The following FHOD3 variants were observed in gnomAD, a reference collection of about 807,000 sequenced individuals.
FHOD3 encodes FH1/FH2 domain-containing protein 3.
A neutral mutation model predicts 173.0 loss-of-function variants in FHOD3; 90 were observed. The ratio of observed to expected loss-of-function variants is 0.52; its 90% CI spans 0.44 to 0.62. The LOEUF is 0.62. FHOD3 is among the 20% of genes least tolerant of loss of function. The pLI, the probability that FHOD3 is intolerant of heterozygous loss-of-function variation, is 0.00. For synonymous variants in FHOD3, 828 were observed against 823.0 expected (o/e 1.01, Z -0.10); for missense variants, 1,945 against 2,034.7 (o/e 0.96, Z 0.85).
chr18:36,320,008 G>A (rs2144910918), intron 1 of FHOD3, among the ~76,000 whole-genome samples: 1 of 152,304 alleles, frequency 6.6e-6, no homozygotes, highest in East Asian at 1.9e-4. Flanking sequence ...GAAATTTATA[G>A]CACTAAATGC....
chr18:36,762,871 T>C (rs1261025621), intron 27 of FHOD3, among the ~76,000 whole-genome samples: 2 of 148,076 alleles, frequency 1.4e-5, no homozygotes, highest in African/African-American at 4.9e-5. Flanking sequence ...ATACATAATA[T>C]ATAATATGTT....
chr18:36,718,424 C>T lies in FHOD3; in HGVS notation c.3126C>T (p.Asp1042=). The T allele has an allele frequency of 7.5e-7, 1 of 1,332,072 alleles. No individual in the cohort carries two copies. The highest frequency in any genetic ancestry group is 1.0e-6 in the Non-Finnish European group (1 of 1,001,234). 82.5% of individuals were successfully genotyped at this position (1,332,072 alleles called of 1,614,324 possible). ...LPPPPPPPLL[D]SIPPPPVPGN... ...CCCCACCCCCTCCGCCCCTGTTGGA[C>T]AGCATTCCTCCCCCTCCTGTCCCTG... Residue 1042 remains aspartate (D), a synonymous_variant, in exon 19 of 29, where the codon GAC becomes GAT. Transcript: ENST00000590592.
intron 6 of FHOD3, among the ~76,000 whole-genome samples, chr18:36,582,461 G>A (rs1207125637): frequency 6.6e-6 from 1 of 152,204 alleles, no homozygotes; most frequent in Non-Finnish European, 1.5e-5. Flanking sequence ...CAAATCATTT[G>A]CCTAGGTTGC....
chr18:36,348,666 G>C (rs1387000222), intron 1 of FHOD3, among the ~76,000 whole-genome samples: 1 of 152,060 alleles, frequency 6.6e-6, no homozygotes, highest in African/African-American at 2.4e-5. Flanking sequence ...CTCACTCCCC[G>C]GTGCTCCAGG....
chr18:36,483,053 A>C (rs557155914), intron 3 of FHOD3, among the ~76,000 whole-genome samples: 1 of 152,146 alleles, frequency 6.6e-6, no homozygotes, highest in Non-Finnish European at 1.5e-5. Context: ...CTTCACTTCA[A>C]ATGCAGCTCC....
chr18:36,574,699 T>C (rs1171146707), intron 5 of FHOD3, among the ~76,000 whole-genome samples: 1 of 152,152 alleles, frequency 6.6e-6, no homozygotes, highest in African/African-American at 2.4e-5. Context: ...TTGTATCTTA[T>C]CATTTTTCAT....
intron 11 of FHOD3, among the ~76,000 whole-genome samples, chr18:36,650,920 C>A (rs1258799585): frequency 6.6e-6 from 1 of 152,200 alleles, no homozygotes; most frequent in East Asian, 1.9e-4. Context: ...CAGAGGGCAT[C>A]CTTTACCAGA....
chr18:36,342,521 C>T (rs1480096296), intron 1 of FHOD3, among the ~76,000 whole-genome samples: 1 of 151,990 alleles, frequency 6.6e-6, no homozygotes, highest in African/African-American at 2.4e-5. Flanking sequence ...ATGTTTAAAC[C>T]AAAATGATGT....
At chr18:36,482,854 CACACAGAGAGAG>C (rs1460857493) in intron 3 of FHOD3, among the ~76,000 whole-genome samples, 6 of 97,910 alleles carry the variant, frequency 6.1e-5, no homozygotes, top group Admixed American at 1.3e-4. Flanking sequence ...CACTCACACA[CACACAGAGAGAG>C]AGAGAGAGAG....
At chr18:36,307,319 T>G (rs2092128266) in intron 1 of FHOD3, among the ~76,000 whole-genome samples, 2 of 152,212 alleles carry the variant, frequency 1.3e-5, no homozygotes, top group Admixed American at 6.5e-5. Flanking sequence ...GCGATGGTCC[T>G]CATATCTCCA....
chr18:36,431,245 C>T lies in FHOD3; in HGVS notation c.337+58501C>T, dbSNP rs567799415. On this transcript the variant is annotated intron_variant, in intron 3 of 28. Coordinates refer to ENST00000590592, the MANE Select transcript of FHOD3 (RefSeq NM_001281740.3). The stretch of plus-strand genomic sequence containing the variant: ...TATAAAGCTTTGTAGGAGAAGATGG[C>T]CTAAAAGCTTTATATTCTGTTAAAG... Among the ~76,000 whole-genome samples the T allele has an allele frequency of 5.9e-5, 9 of 152,218 alleles. No homozygotes were observed. In the East Asian group the frequency reaches 1.2e-3, roughly 20 times the overall value.
chr18:36,592,804 A>G (rs1020648725), intron 6 of FHOD3, among the ~76,000 whole-genome samples: 4 of 152,114 alleles, frequency 2.6e-5, no homozygotes, highest in African/African-American at 9.7e-5. Flanking sequence ...GGAAGGGGGT[A>G]AGCATGAATG....
In FHOD3 at chr18:36,327,390, G is replaced by A. The variant is rs528617564; in HGVS notation, c.166-28149G>A. Among the ~76,000 whole-genome samples the A allele has an allele frequency of 3.9e-5, 6 of 152,272 alleles. No individual in the cohort carries two copies. In the East Asian group the frequency reaches 1.2e-3, roughly 29 times the overall value. On this transcript the variant is annotated intron_variant, in intron 1 of 28. Transcript: ENST00000590592. ...AGGTATTAGCTTGGTGCAAATGTGC[G>A]GCTTTTGCCGTTACTTTCAAAGGCA... is the stretch of plus-strand genomic sequence containing the variant.
intron 3 of FHOD3, among the ~76,000 whole-genome samples, chr18:36,391,147 G>A (rs1314431960): frequency 6.6e-6 from 1 of 152,198 alleles, no homozygotes; most frequent in Admixed American, 6.5e-5. Context: ...ATCTAATGCT[G>A]CCAACACTGT....
intron 3 of FHOD3, among the ~76,000 whole-genome samples, chr18:36,491,648 A>C (rs942982127): frequency 6.6e-6 from 1 of 150,382 alleles, no homozygotes; most frequent in Non-Finnish European, 1.5e-5. Flanking sequence ...ACAGAATGTC[A>C]TGGAGTTCAC....
intron 13 of FHOD3, 93 bp downstream of exon 13, chr18:36,653,509 C>A: frequency 1.1e-6 from 1 of 908,136 alleles, no homozygotes; most frequent in Non-Finnish European, 1.7e-6. Context: ...TAATATCTTC[C>A]TACAACGTGA....
chr18:36,563,920 T>G (rs944744421), intron 5 of FHOD3, among the ~76,000 whole-genome samples: 3 of 152,064 alleles, frequency 2.0e-5, no homozygotes, highest in African/African-American at 7.3e-5. Flanking sequence ...TTGGGCTTAA[T>G]TACTCGTCTC....
At chr18:36,372,052 C>A (rs752333427) in intron 2 of FHOD3, among the ~76,000 whole-genome samples, 2 of 152,182 alleles carry the variant, frequency 1.3e-5, no homozygotes, top group African/African-American at 2.4e-5. Context: ...GGAGTGGAAC[C>A]TGGGGAGGTC....
rs555737993 is a variant in FHOD3, at chr18:36,352,088, G to A, written c.166-3451G>A. 5.3e-5 allele frequency among the ~76,000 whole-genome samples: 8 copies of A among 152,112 alleles called. No homozygotes were observed. In the East Asian group the frequency reaches 1.4e-3, roughly 26 times the overall value. On this transcript the variant is annotated intron_variant, in intron 1 of 28. Transcript: ENST00000590592. ...TGATTGTCAAATTCTCAGGAATTTCGTGAGCCACTTTTCAAATGTAGCTAT... is the reference window on the plus strand; with the variant it reads ...TGATTGTCAAATTCTCAGGAATTTCATGAGCCACTTTTCAAATGTAGCTAT...
Sources: allele counts gnomAD v4.1 joint callset (sites outside exome capture counted in the v4.1 genomes callset), GRCh38; gene constraint gnomAD v4.1.1; transcripts MANE v1.5; gene names NCBI Gene and HGNC (gene_info 2026-07-23, HGNC 2026-07-21).